The following ARHGAP20 variants were observed in gnomAD, a reference collection of about 807,000 sequenced individuals.
ARHGAP20 encodes the protein Rho GTPase activating protein 20, also known as rho GTPase-activating protein 20.
A neutral mutation model predicts 73.7 loss-of-function variants in ARHGAP20; 34 were observed. The ratio of observed to expected loss-of-function variants is 0.46; its 90% CI spans 0.35 to 0.61. The LOEUF (loss-of-function observed/expected upper bound fraction) is 0.61, where lower values mean the gene tolerates loss of function less well. ARHGAP20 is among the 20% of genes least tolerant of loss of function. The pLI, the probability that ARHGAP20 is intolerant of heterozygous loss-of-function variation, is 0.00. For missense variants in ARHGAP20, 1,314 were observed against 1,420.9 expected (o/e 0.92, Z 1.21); for synonymous variants, 523 against 518.2 (o/e 1.01, Z -0.13).
intron 13 of ARHGAP20, among the ~76,000 whole-genome samples, 157 bp downstream of exon 13, chr11:110,583,391 T>C: frequency 6.6e-6 from 1 of 152,224 alleles, no homozygotes; most frequent in East Asian, 1.9e-4. Context: ...ATTTTCTACT[T>C]AACAATTCAC....
intron 9 of ARHGAP20, among the ~76,000 whole-genome samples, chr11:110,605,271 T>C (rs1325545172): frequency 6.6e-6 from 1 of 152,046 alleles, no homozygotes; most frequent in East Asian, 1.9e-4. Flanking sequence ...AGATGAAAAA[T>C]AGAATGAACA....
chr11:110,690,398 A>G, intron 2 of ARHGAP20, 149 bp downstream of exon 2: 2 of 722,480 alleles, frequency 2.8e-6, no homozygotes, highest in Non-Finnish European at 4.5e-6. Context: ...ACCTCAGAAC[A>G]AAAGTTGTAT....
intron 5 of ARHGAP20, 143 bp from the exon 6 acceptor site, chr11:110,614,788 C>A: frequency 5.0e-6 from 3 of 597,882 alleles, no homozygotes; most frequent in South Asian, 2.5e-5. Context: ...GAAGACTCAG[C>A]AAAGTCAGAT....
intron 2 of ARHGAP20, among the ~76,000 whole-genome samples, chr11:110,642,900 T>TC: frequency 6.6e-6 from 1 of 152,156 alleles, no homozygotes; most frequent in Admixed American, 6.6e-5. Context: ...CGGCTGTGAA[T>TC]CCATCTGGTC....
intron 1 of ARHGAP20, among the ~76,000 whole-genome samples, chr11:110,708,017 C>T (rs1237637971): frequency 1.3e-5 from 2 of 151,446 alleles, no homozygotes; most frequent in Non-Finnish European, 2.9e-5. Context: ...ATAAGAACTT[C>T]CGTTCTTTTG....
At chr11:110,635,108 G>T (rs1247626727) in intron 2 of ARHGAP20, among the ~76,000 whole-genome samples, 1 of 151,838 alleles carries the variant, frequency 6.6e-6, no homozygotes, top group Non-Finnish European at 1.5e-5. Context: ...ATGTTTCTTG[G>T]GTTTGAATAG....
Position 110,586,291 on chromosome 11 carries a change from G to GA in ARHGAP20, c.1339dup (p.Ser447PhefsTer6). 6.3e-7 allele frequency: 1 copy of GA among 1,574,958 alleles called. No homozygotes were observed. The highest frequency in any genetic ancestry group is 8.6e-7 in the Non-Finnish European group (1 of 1,161,132). ...GACCCAGTGATCATAGAGATCTGAT[G>GA]AAAAAATACTTCCTGGAATATTTCG... is the stretch of plus-strand genomic sequence containing the variant. On this transcript the variant is annotated frameshift_variant, in exon 12 of 15. Transcript: ENST00000683387. LOFTEE classifies it high-confidence loss of function.
chr11:110,614,740 C>T (rs1948447290), intron 5 of ARHGAP20, 95 bp from the exon 6 acceptor site: 3 of 796,708 alleles, frequency 3.8e-6, no homozygotes, highest in Middle Eastern at 2.4e-4. Flanking sequence ...CTAATATTTC[C>T]AATATACTTA....
intron 2 of ARHGAP20, among the ~76,000 whole-genome samples, chr11:110,673,042 A>G (rs1293113481): frequency 6.6e-6 from 1 of 152,230 alleles, no homozygotes; most frequent in East Asian, 1.9e-4. Context: ...TCAAAACAGA[A>G]CAAACTTCTG....
At chr11:110,667,701 G>C (rs971535353) in intron 2 of ARHGAP20, among the ~76,000 whole-genome samples, 2 of 152,178 alleles carry the variant, frequency 1.3e-5, no homozygotes, top group African/African-American at 4.8e-5. Flanking sequence ...CACCATTCTA[G>C]ATAGCATTAA....
At chr11:110,705,826 T>G (rs1026177850) in intron 1 of ARHGAP20, among the ~76,000 whole-genome samples, 1 of 152,106 alleles carries the variant, frequency 6.6e-6, no homozygotes, top group African/African-American at 2.4e-5. Flanking sequence ...TGAAATATAC[T>G]CTTCTGAGTT....
chr11:110,632,680 C>T (rs1364034549), intron 2 of ARHGAP20, among the ~76,000 whole-genome samples: 3 of 152,202 alleles, frequency 2.0e-5, no homozygotes, highest in Non-Finnish European at 4.4e-5. Flanking sequence ...GCAAGGATTA[C>T]AGGTTGAGCC....
chr11:110,697,180 G>GAT (rs1308303648), intron 1 of ARHGAP20, among the ~76,000 whole-genome samples: 2 of 151,596 alleles, frequency 1.3e-5, no homozygotes, highest in African/African-American at 4.8e-5. Context: ...GTTTACCATA[G>GAT]ATATTGAACT....
At chr11:110,596,681 A>G (rs1303815528) in intron 9 of ARHGAP20, among the ~76,000 whole-genome samples, 3 of 152,158 alleles carry the variant, frequency 2.0e-5, no homozygotes, top group Non-Finnish European at 2.9e-5. Flanking sequence ...GAACACTTTT[A>G]CACTGTTGGT....
intron 2 of ARHGAP20, among the ~76,000 whole-genome samples, chr11:110,636,336 T>C (rs868802426): frequency 1.3e-5 from 2 of 152,076 alleles, no homozygotes; most frequent in Admixed American, 1.3e-4. Context: ...TCCAAAACAT[T>C]TAAATGTTTA....
chr11:110,698,955 C>T (rs1950391677), intron 1 of ARHGAP20, among the ~76,000 whole-genome samples: 1 of 151,594 alleles, frequency 6.6e-6, no homozygotes, highest in Non-Finnish European at 1.5e-5. Flanking sequence ...TTTGTGCTAG[C>T]TTTGGGTTCC....
At chr11:110,647,661 G>C (rs1033241913) in intron 2 of ARHGAP20, among the ~76,000 whole-genome samples, 1 of 151,996 alleles carries the variant, frequency 6.6e-6, no homozygotes, top group Non-Finnish European at 1.5e-5. Flanking sequence ...TTGTTAAAAA[G>C]ATAAAAAATA....
chr11:110,657,573 G>A (rs923902834), intron 2 of ARHGAP20, among the ~76,000 whole-genome samples: 22 of 152,186 alleles, frequency 1.4e-4, no homozygotes, highest in African/African-American at 4.3e-4. Flanking sequence ...TATATTCAAG[G>A]TAAAGGGAGG....
intron 14 of ARHGAP20, 36 bp from the exon 15 acceptor site, chr11:110,581,261 C>T (rs1485779053): frequency 6.4e-7 from 1 of 1,564,954 alleles, no homozygotes; most frequent in Non-Finnish European, 8.7e-7. Context: ...AACATATTTA[C>T]TTACCACAAA....
Sources: gnomAD v4.1 joint callset for allele counts (sites outside exome capture counted in the v4.1 genomes callset) on GRCh38, gnomAD v4.1.1 for gene constraint, MANE v1.5 for transcripts, NCBI Gene and HGNC (gene_info 2026-07-23, HGNC 2026-07-21) for gene names.